Variants in SH3GL2 observed in about 807,000 individuals in gnomAD.
SH3GL2 encodes the protein SH3 domain containing GRB2 like 2, endophilin A1, also known as endophilin-A1.
A neutral mutation model predicts 46.0 loss-of-function variants in SH3GL2; 24 were observed. The observed-to-expected ratio is 0.52, with a 90% CI of 0.38 to 0.73. The LOEUF (loss-of-function observed/expected upper bound fraction) is 0.73, where lower values mean the gene tolerates loss of function less well. Among genes scored for constraint, SH3GL2 ranks in the 30% least tolerant of loss-of-function variants. The pLI is 0.00. For synonymous variants in SH3GL2, 196 were observed against 147.1 expected (o/e 1.33, Z -2.40); for missense variants, 413 against 424.2 (o/e 0.97, Z 0.23).
At chr9:17,652,191 A>T (rs1485650024) in intron 1 of SH3GL2, among the ~76,000 whole-genome samples, 1 of 152,132 alleles carries the variant, frequency 6.6e-6, no homozygotes, top group Non-Finnish European at 1.5e-5. Flanking sequence ...AGGCATTTAA[A>T]GCTCATAATT....
chr9:17,777,932 C>T (rs988519719), intron 3 of SH3GL2, among the ~76,000 whole-genome samples: 2 of 151,934 alleles, frequency 1.3e-5, no homozygotes, highest in East Asian at 1.9e-4. Flanking sequence ...GCTCTCATCC[C>T]TATCTTTAGT....
chr9:17,791,974 A>T (rs954582286), intron 7 of SH3GL2, among the ~76,000 whole-genome samples: 12 of 152,252 alleles, frequency 7.9e-5, no homozygotes, highest in Non-Finnish European at 1.6e-4. Context: ...CTGTTTGGCT[A>T]TATACCAGTG....
chr9:17,691,720 A>G (rs1372733815), intron 1 of SH3GL2, among the ~76,000 whole-genome samples: 2 of 152,178 alleles, frequency 1.3e-5, no homozygotes, highest in Admixed American at 6.5e-5. Flanking sequence ...TATTTTATTA[A>G]AAGCTAATTT....
At chr9:17,704,246 A>G (rs1821411278) in intron 1 of SH3GL2, among the ~76,000 whole-genome samples, 1 of 152,098 alleles carries the variant, frequency 6.6e-6, no homozygotes, top group South Asian at 2.1e-4. Flanking sequence ...GAGGTGAAAG[A>G]TATCTACAAT....
intron 1 of SH3GL2, among the ~76,000 whole-genome samples, chr9:17,685,113 T>C (rs1029126232): frequency 3.9e-5 from 6 of 152,136 alleles, no homozygotes; most frequent in East Asian, 1.9e-4. Context: ...ACAGAACCAG[T>C]GGAATGGACA....
At chr9:17,596,723 A>C in intron 1 of SH3GL2, among the ~76,000 whole-genome samples, 1 of 152,244 alleles carries the variant, frequency 6.6e-6, no homozygotes, top group East Asian at 1.9e-4. Context: ...AAAGTTTAGG[A>C]AGCCATAAAT....
chr9:17,714,207 C>G (rs749235676), intron 1 of SH3GL2, among the ~76,000 whole-genome samples: 3 of 151,522 alleles, frequency 2.0e-5, no homozygotes, highest in Non-Finnish European at 4.4e-5. Flanking sequence ...GTGTCTTTTT[C>G]CATTCTATTA....
intron 4 of SH3GL2, 109 bp from the exon 5 acceptor site, chr9:17,787,271 T>A: frequency 1.2e-6 from 1 of 844,722 alleles, no homozygotes; most frequent in Non-Finnish European, 1.9e-6. Flanking sequence ...GTCTGTTGTC[T>A]TTAGAAGACA....
chr9:17,744,159 G>A (rs952525951), intron 1 of SH3GL2, among the ~76,000 whole-genome samples: 1 of 152,048 alleles, frequency 6.6e-6, no homozygotes, highest in African/African-American at 2.4e-5. Flanking sequence ...AAATTTAATG[G>A]TAAACCATGT....
At chr9:17,609,333 A>G (rs1369481040) in intron 1 of SH3GL2, among the ~76,000 whole-genome samples, 2 of 152,084 alleles carry the variant, frequency 1.3e-5, no homozygotes, top group Non-Finnish European at 2.9e-5. Flanking sequence ...GGAAAGAGCA[A>G]AGATGCTCTT....
At chr9:17,779,832 A>G (rs1823752785) in intron 3 of SH3GL2, among the ~76,000 whole-genome samples, 2 of 152,296 alleles carry the variant, frequency 1.3e-5, no homozygotes, top group East Asian at 3.9e-4. Flanking sequence ...CTATACAACC[A>G]CATGGATATT....
intron 1 of SH3GL2, among the ~76,000 whole-genome samples, chr9:17,669,999 C>T (rs1237586822): frequency 6.6e-6 from 1 of 152,086 alleles, no homozygotes; most frequent in Non-Finnish European, 1.5e-5. Context: ...AGTGGGGAGG[C>T]AGTATCTGAA....
At chr9:17,680,875 A>G (rs1188476596) in intron 1 of SH3GL2, among the ~76,000 whole-genome samples, 2 of 151,934 alleles carry the variant, frequency 1.3e-5, no homozygotes, top group African/African-American at 4.8e-5. Flanking sequence ...TTCTGCCTTC[A>G]TTTCGTTATG....
chr9:17,582,781 G>C (rs762551232), intron 1 of SH3GL2, among the ~76,000 whole-genome samples: 4 of 152,200 alleles, frequency 2.6e-5, no homozygotes, highest in Non-Finnish European at 5.9e-5. Context: ...CTCTCTGAAG[G>C]TATGAGACAG....
chr9:17,651,608 TAGC>T (rs1405615615), intron 1 of SH3GL2, among the ~76,000 whole-genome samples: 1 of 152,218 alleles, frequency 6.6e-6, no homozygotes, highest in Non-Finnish European at 1.5e-5. Flanking sequence ...ATCTTTGTTT[TAGC>T]AGTTTGTGGG....
At chr9:17,727,474 G>C (rs1822052235) in intron 1 of SH3GL2, among the ~76,000 whole-genome samples, 1 of 152,160 alleles carries the variant, frequency 6.6e-6, no homozygotes, top group Non-Finnish European at 1.5e-5. Flanking sequence ...CTGCAGTACA[G>C]ATGATCTGTG....
intron 1 of SH3GL2, among the ~76,000 whole-genome samples, chr9:17,730,321 A>G (rs1202807927): frequency 1.3e-5 from 2 of 152,076 alleles, no homozygotes; most frequent in African/African-American, 4.8e-5. Flanking sequence ...TAATCCTGAG[A>G]CTGCTGAAGT....
intron 1 of SH3GL2, among the ~76,000 whole-genome samples, chr9:17,617,517 A>T (rs1345240172): frequency 6.6e-6 from 1 of 152,230 alleles, no homozygotes; most frequent in East Asian, 1.9e-4. Flanking sequence ...TTAAAGGCTT[A>T]ACGTGCTCAT....
At chr9:17,659,976 A>G (rs1245515668) in intron 1 of SH3GL2, among the ~76,000 whole-genome samples, 1 of 152,192 alleles carries the variant, frequency 6.6e-6, no homozygotes, top group African/African-American at 2.4e-5. Flanking sequence ...ACTGCCTGTA[A>G]GAGTAGTTGT....
Sources: allele counts gnomAD v4.1 joint callset (sites outside exome capture counted in the v4.1 genomes callset), GRCh38; gene constraint gnomAD v4.1.1; transcripts MANE v1.5; gene names NCBI Gene and HGNC (gene_info 2026-07-23, HGNC 2026-07-21).